Variants in TANGO6 observed in about 807,000 individuals in gnomAD.
TANGO6 encodes transport and Golgi organization protein 6 homolog.
In TANGO6, 90 loss-of-function variants were observed where a neutral mutation model predicts 114.2. The observed-to-expected ratio is 0.79, with a 90% confidence interval of 0.66 to 0.94. The LOEUF is 0.94. Among genes scored for constraint, TANGO6 ranks in the 40% least tolerant of loss-of-function variants. The pLI, the probability that TANGO6 is intolerant of heterozygous loss-of-function variation, is 0.00. For missense variants in TANGO6, 1,274 were observed against 1,315.3 expected (o/e 0.97, Z 0.49); for synonymous variants, 477 against 509.8 (o/e 0.94, Z 0.87).
intron 14 of TANGO6, among the ~76,000 whole-genome samples, chr16:68,946,041 T>C (rs1296798047): frequency 6.6e-6 from 1 of 152,058 alleles, no homozygotes; most frequent in African/African-American, 2.4e-5. Flanking sequence ...TAACAGTTCT[T>C]TATACATTCT....
At chr16:69,049,432 C>A (rs1256536760) in intron 17 of TANGO6, among the ~76,000 whole-genome samples, 1 of 149,976 alleles carries the variant, frequency 6.7e-6, no homozygotes. Context: ...AATTTTTTTT[C>A]TTTCTTTTTT....
In TANGO6 at chr16:68,973,994, G is replaced by A. The variant is rs200572690; in HGVS notation, c.2702-34G>A. On this transcript the variant is annotated intron_variant, in intron 14 of 17. Coordinates refer to ENST00000261778, the MANE Select transcript of TANGO6 (RefSeq NM_024562.2). ...TTTATTTGCCTTTTGATCGTAAACA[G>A]TAATGAATCCTTTCTTTTTGTTTTC... The A allele has an allele frequency of 7.6e-6, 12 of 1,571,280 alleles. No individual in the cohort carries two copies. The African/African-American group carries it at 1.5e-4, about 19-fold the overall frequency.
chr16:69,051,699 C>T (rs1233052509), intron 17 of TANGO6, among the ~76,000 whole-genome samples: 2 of 151,162 alleles, frequency 1.3e-5, no homozygotes, highest in Non-Finnish European at 3.0e-5. Flanking sequence ...ACAAAAAATA[C>T]AAAAATTAGC....
At chr16:68,867,254 C>G in intron 4 of TANGO6, 34 bp downstream of exon 4, 1 of 1,612,730 alleles carries the variant, frequency 6.2e-7, no homozygotes, top group Middle Eastern at 1.7e-4. Flanking sequence ...ACTTTGGTAT[C>G]TGTTTTCCTT....
At chr16:68,889,628 C>T (rs75990606) in intron 7 of TANGO6, among the ~76,000 whole-genome samples, 14,141 of 152,018 alleles carry the variant, frequency 0.093, 722 homozygotes, top group African/African-American at 0.13. Context: ...AGCAAAAGAC[C>T]GAAAGAAGTA....
chr16:68,940,620 C>T (rs1192790468), intron 14 of TANGO6, among the ~76,000 whole-genome samples: 2 of 145,968 alleles, frequency 1.4e-5, no homozygotes, highest in African/African-American at 5.6e-5. Context: ...TACATCAGGC[C>T]GACAGGCACA....
intron 16 of TANGO6, among the ~76,000 whole-genome samples, chr16:69,028,488 C>T (rs148409745): frequency 6.6e-6 from 1 of 151,882 alleles, no homozygotes; most frequent in Non-Finnish European, 1.5e-5. Flanking sequence ...AATAAATTAG[C>T]CAGGCGTGGT....
chr16:68,853,875 A>G (rs1434073386), intron 1 of TANGO6, among the ~76,000 whole-genome samples: 4 of 152,182 alleles, frequency 2.6e-5, no homozygotes, highest in African/African-American at 9.7e-5. Context: ...TTTCCCTAAT[A>G]ATTAATGATA....
intron 11 of TANGO6, among the ~76,000 whole-genome samples, chr16:68,912,451 T>C (rs1962936536): frequency 6.6e-6 from 1 of 151,682 alleles, no homozygotes; most frequent in Non-Finnish European, 1.5e-5. Flanking sequence ...CTGGCCAACA[T>C]GGTGAAATCC....
chr16:69,073,392 C>T (rs185132450), intron 17 of TANGO6, among the ~76,000 whole-genome samples: 1 of 152,364 alleles, frequency 6.6e-6, no homozygotes, highest in African/African-American at 2.4e-5. Flanking sequence ...GCCTGCGTTT[C>T]TCTCTTAGAA....
At chr16:69,076,088 CTTTTTTTTTTT>C (rs34844519) in intron 17 of TANGO6, among the ~76,000 whole-genome samples, 1 of 85,684 alleles carries the variant, frequency 1.2e-5, no homozygotes, top group Non-Finnish European at 2.1e-5. Flanking sequence ...TATTTCATTT[CTTTTTTTTTTT>C]TTTTTTTTTT....
At chr16:69,015,815 A>T (rs1405606409) in intron 15 of TANGO6, among the ~76,000 whole-genome samples, 1 of 152,150 alleles carries the variant, frequency 6.6e-6, no homozygotes, top group Non-Finnish European at 1.5e-5. Context: ...GCTGGAGCTC[A>T]GTTAGGGCAG....
At chr16:68,921,507 T>C (rs761812338) in intron 12 of TANGO6, among the ~76,000 whole-genome samples, 11 of 152,042 alleles carry the variant, frequency 7.2e-5, no homozygotes, top group Non-Finnish European at 1.3e-4. Flanking sequence ...TGTATTCTTA[T>C]TGGATTTAGT....
chr16:69,080,762 G>A (rs1960451730), intron 17 of TANGO6, among the ~76,000 whole-genome samples: 1 of 152,140 alleles, frequency 6.6e-6, no homozygotes, highest in African/African-American at 2.4e-5. Flanking sequence ...TCTGGATGTT[G>A]GAAACCTGGC....
intron 16 of TANGO6, chr16:69,025,843 T>C: frequency 4.3e-6 from 1 of 229,954 alleles, no homozygotes; most frequent in South Asian, 8.1e-5. Flanking sequence ...AATTTTCTAT[T>C]CTTGGCATAA....
At chr16:69,078,155 C>T (rs1162638359) in intron 17 of TANGO6, among the ~76,000 whole-genome samples, 1 of 152,140 alleles carries the variant, frequency 6.6e-6, no homozygotes, top group African/African-American at 2.4e-5. Context: ...TATGCAAAGG[C>T]CTTGAGAGGA....
chr16:69,033,588 G>A (rs1959635670), intron 16 of TANGO6: 1 of 152,220 alleles, frequency 6.6e-6, no homozygotes, highest in African/African-American at 2.4e-5. Flanking sequence ...CCAGGCAGAG[G>A]AAGAGAAGAA....
At chr16:68,854,661 A>C (rs79473231) in intron 1 of TANGO6, among the ~76,000 whole-genome samples, 7,409 of 150,716 alleles carry the variant, frequency 0.049, 248 homozygotes, top group Admixed American at 0.073. Context: ...CAGTTGTTCC[A>C]ACCTCATTTG....
At chr16:68,960,599 G>A (rs1380082014) in intron 14 of TANGO6, among the ~76,000 whole-genome samples, 1 of 152,082 alleles carries the variant, frequency 6.6e-6, no homozygotes, top group Non-Finnish European at 1.5e-5. Context: ...TCCTCCCGGG[G>A]TTTAAGCAAT....
Sources: gnomAD v4.1 joint callset for allele counts (sites outside exome capture counted in the v4.1 genomes callset) on GRCh38, gnomAD v4.1.1 for gene constraint, MANE v1.5 for transcripts, NCBI Gene and HGNC (gene_info 2026-07-23, HGNC 2026-07-21) for gene names.